Variants in CDH13 observed in about 807,000 individuals in gnomAD.
CDH13 encodes the protein cadherin-13.
A neutral mutation model predicts 63.8 loss-of-function variants in CDH13; 24 were observed. The ratio of observed to expected loss-of-function variants is 0.38; its 90% CI spans 0.27 to 0.53. The LOEUF (loss-of-function observed/expected upper bound fraction) is 0.53. CDH13 is among the 20% of genes least tolerant of loss of function. The pLI is 0.85. For synonymous variants in CDH13, 503 were observed against 355.3 expected (o/e 1.42, Z -4.67); for missense variants, 1,049 against 903.1 (o/e 1.16, Z -2.07).
chr16:83,695,928 C>T (rs933109723), intron 10 of CDH13, among the ~76,000 whole-genome samples: 9 of 150,406 alleles, frequency 6.0e-5, no homozygotes, highest in African/African-American at 2.2e-4. Flanking sequence ...GTCTGTCTGT[C>T]ACCCAGGATG....
intron 11 of CDH13, among the ~76,000 whole-genome samples, chr16:83,766,013 A>G (rs190691916): frequency 1.6e-4 from 24 of 152,192 alleles, no homozygotes; most frequent in Non-Finnish European, 3.1e-4. Context: ...CATGCTCAAG[A>G]TTGCTCATTA....
At chr16:83,437,003 A>G (rs1598017692) in intron 6 of CDH13, among the ~76,000 whole-genome samples, 1 of 152,182 alleles carries the variant, frequency 6.6e-6, no homozygotes, top group Admixed American at 6.5e-5. Context: ...GGTGCTTGAG[A>G]ACAAATTAAA....
intron 11 of CDH13, among the ~76,000 whole-genome samples, chr16:83,775,119 G>C (rs776642465): frequency 1.3e-5 from 2 of 151,702 alleles, no homozygotes; most frequent in African/African-American, 4.8e-5. Flanking sequence ...ATAGGTTAAT[G>C]CTTGCTCTAG....
At chr16:82,670,557 C>A (rs946650172) in intron 1 of CDH13, among the ~76,000 whole-genome samples, 4 of 152,104 alleles carry the variant, frequency 2.6e-5, no homozygotes, top group African/African-American at 7.2e-5. Context: ...GCGGGGCACA[C>A]GTACTGAGGA....
chr16:82,806,818 A>T (rs1171780013), intron 1 of CDH13, among the ~76,000 whole-genome samples: 1 of 152,202 alleles, frequency 6.6e-6, no homozygotes, highest in African/African-American at 2.4e-5. Flanking sequence ...CAGAGAAACA[A>T]GGCTTTCATT....
intron 3 of CDH13, among the ~76,000 whole-genome samples, chr16:83,050,209 C>G (rs899852049): frequency 2.6e-5 from 4 of 152,122 alleles, no homozygotes; most frequent in African/African-American, 9.7e-5. Context: ...CGCCATAACT[C>G]TAGTTATAAC....
intron 7 of CDH13, among the ~76,000 whole-genome samples, chr16:83,511,658 G>A (rs1055158564): frequency 1.3e-5 from 2 of 152,118 alleles, no homozygotes; most frequent in Non-Finnish European, 2.9e-5. Context: ...TCTGATATGA[G>A]CATCACACAG....
intron 3 of CDH13, among the ~76,000 whole-genome samples, chr16:83,057,605 C>G (rs1238881150): frequency 6.7e-6 from 1 of 149,034 alleles, no homozygotes; most frequent in Non-Finnish European, 1.5e-5. Context: ...AAAAAAAAGG[C>G]TCACCACTGA....
chr16:82,974,272 G>A (rs1307925855), intron 2 of CDH13, among the ~76,000 whole-genome samples: 1 of 152,090 alleles, frequency 6.6e-6, no homozygotes, highest in Non-Finnish European at 1.5e-5. Context: ...TCATGTCAGG[G>A]TGCAAACATC....
intron 3 of CDH13, among the ~76,000 whole-genome samples, chr16:83,119,079 C>T (rs1347744253): frequency 2.0e-5 from 3 of 152,194 alleles, no homozygotes; most frequent in African/African-American, 7.2e-5. Flanking sequence ...ATTCAGCCGT[C>T]ATCTGTTCAT....
At chr16:83,457,640 G>T (rs746023925) in intron 6 of CDH13, among the ~76,000 whole-genome samples, 1 of 152,112 alleles carries the variant, frequency 6.6e-6, no homozygotes, top group East Asian at 1.9e-4. Flanking sequence ...GGCAGACTCT[G>T]CTTTAGAGAG....
intron 7 of CDH13, among the ~76,000 whole-genome samples, chr16:83,554,224 A>G (rs2075561597): frequency 6.6e-6 from 1 of 152,228 alleles, no homozygotes. Context: ...CTTACTTAAA[A>G]AAAAAATAGG....
chr16:82,765,532 G>A (rs959838986), intron 1 of CDH13, among the ~76,000 whole-genome samples: 2 of 152,136 alleles, frequency 1.3e-5, no homozygotes, highest in African/African-American at 4.8e-5. Context: ...TAGGGCTGGC[G>A]TTGATGATGC....
At chr16:83,783,173 G>A (rs1915646133) in intron 12 of CDH13, 81 bp from the exon 13 acceptor site, 2 of 907,140 alleles carry the variant, frequency 2.2e-6, no homozygotes, top group Non-Finnish European at 1.8e-6. Flanking sequence ...CCTGTTTGGT[G>A]TGACTTTCAT....
intron 5 of CDH13, among the ~76,000 whole-genome samples, chr16:83,322,783 A>T (rs569524851): frequency 6.6e-6 from 1 of 152,164 alleles, no homozygotes; most frequent in Non-Finnish European, 1.5e-5. Flanking sequence ...TGTCAGGACC[A>T]TCTCCTACTT....
chr16:82,969,950 TA>T (rs1490960953), intron 2 of CDH13, among the ~76,000 whole-genome samples: 2 of 151,886 alleles, frequency 1.3e-5, no homozygotes, highest in Admixed American at 1.3e-4. Context: ...TTTTTTTTTT[TA>T]TTATACTTTA....
intron 6 of CDH13, among the ~76,000 whole-genome samples, chr16:83,372,620 C>G (rs1042556927): frequency 2.6e-5 from 4 of 151,806 alleles, no homozygotes; most frequent in African/African-American, 4.8e-5. Context: ...GGTGTGGTGG[C>G]ATGCAACTGT....
At chr16:82,940,657 C>A (rs950412197) in intron 2 of CDH13, among the ~76,000 whole-genome samples, 4 of 152,138 alleles carry the variant, frequency 2.6e-5, no homozygotes, top group Non-Finnish European at 5.9e-5. Flanking sequence ...TCAGCGTCTA[C>A]GTTTGTTTTC....
At chr16:82,672,282 G>A (rs545600294) in intron 1 of CDH13, among the ~76,000 whole-genome samples, 1 of 152,260 alleles carries the variant, frequency 6.6e-6, no homozygotes, top group South Asian at 2.1e-4. Flanking sequence ...ACACCATTGA[G>A]CAGTGTGTCT....
Sources: gnomAD v4.1 joint callset for allele counts (sites outside exome capture counted in the v4.1 genomes callset) on GRCh38, gnomAD v4.1.1 for gene constraint, MANE v1.5 for transcripts, NCBI Gene and HGNC (gene_info 2026-07-23, HGNC 2026-07-21) for gene names.